The following LETM1 variants were observed in gnomAD, a reference collection of about 807,000 sequenced individuals.
The protein encoded by LETM1 is leucine zipper and EF-hand containing transmembrane protein 1.
Under a neutral mutation model 74.5 loss-of-function variants are expected in LETM1, and 50 were observed. The ratio of observed to expected loss-of-function variants is 0.67; its 90% CI spans 0.53 to 0.85. LETM1 has a LOEUF of 0.85. Among genes scored for constraint, LETM1 ranks in the 40% least tolerant of loss-of-function variants. LETM1 has a pLI of 0.00. For synonymous variants in LETM1, 446 were observed against 407.1 expected, an observed-to-expected ratio of 1.10 and a Z score of -1.15; for missense variants, 824 against 967.8, an observed-to-expected ratio of 0.85 and a Z score of 1.97.
intron 11 of LETM1, 125 bp from the exon 12 acceptor site, chr4:1,817,039 A>C (rs1220562693): frequency 1.4e-6 from 1 of 715,592 alleles, no homozygotes; most frequent in Non-Finnish European, 2.3e-6. Context: ...TGAGGTTAGG[A>C]GTTCGAGACC....
Position 1,836,666 on chromosome 4 carries a change from C to G in LETM1, c.595-94G>C. 3 of 1,367,396 alleles carry G rather than the reference C, an allele frequency of 2.2e-6. No homozygotes were observed. The highest frequency in any genetic ancestry group is 3.1e-6 in the Non-Finnish European group (3 of 981,490). 84.7% of individuals were successfully genotyped at this position (1,367,396 alleles called of 1,614,324 possible). On this transcript the variant is annotated intron_variant, in intron 3 of 13. Transcript: ENST00000302787. The surrounding 1 kb of genome is among the most constrained non-coding windows in gnomAD (Gnocchi z 5.8). ...TTTCTCCTATAATGGTTTATAGGCA[C>G]AACCTCAGGCAGCGACTCACAGGAC...
At chr4:1,841,941 G>A (rs893932467) in intron 2 of LETM1, 144 bp from the exon 3 acceptor site, 5 of 681,260 alleles carry the variant, frequency 7.3e-6, no homozygotes, top group Admixed American at 2.3e-5. Flanking sequence ...ACTTCCTGAC[G>A]TTTTGCACTG....
chr4:1,828,051 C>CG (rs1166350968), intron 6 of LETM1, among the ~76,000 whole-genome samples: 8 of 130,194 alleles, frequency 6.1e-5, no homozygotes, highest in Admixed American at 7.2e-5. Context: ...GGGGGCTGAC[C>CG]CCCCCCACCT....
chr4:1,815,381 G>A (rs1279867463), intron 13 of LETM1, among the ~76,000 whole-genome samples: 5 of 152,172 alleles, frequency 3.3e-5, no homozygotes, highest in African/African-American at 4.8e-5. Flanking sequence ...GCACCCCCCC[G>A]GCTCCCCAGT....
chr4:1,828,407 C>T (rs1430858610), intron 6 of LETM1, among the ~76,000 whole-genome samples: 6 of 100,742 alleles, frequency 6.0e-5, no homozygotes, highest in South Asian at 3.6e-4. Flanking sequence ...CCGGACGGGG[C>T]GGCTGGCCGG....
chr4:1,816,610 AGGC>A, intron 12 of LETM1, 114 bp downstream of exon 12: 2 of 955,326 alleles, frequency 2.1e-6, no homozygotes, highest in Non-Finnish European at 3.1e-6. Context: ...AGAGGCAGCC[AGGC>A]AGAGGCTACA....
Position 1,823,653 on chromosome 4 carries a change from T to G in LETM1, c.1323A>C (p.Pro441=). The G allele has an allele frequency of 6.2e-7, 1 of 1,613,792 alleles. No individual in the cohort carries two copies. Among genetic ancestry groups the G allele is most frequent in the South Asian group, 1.1e-5 (1 of 91,070 alleles). The change falls in exon 8 of 14, where the codon CCA becomes CCC. Residue 441 remains proline (P), a synonymous_variant. Transcript: ENST00000302787. ...DQLKSTLQTL[P]EIVAKEAQVK... is the part of the protein sequence containing the mutation. Reference sequence around the variant, plus strand: ...CTCCGACAGCACGTACCACAATCTCTGGGAGGGTCTGCAGTGTGGACTTGA... The same window carrying G: ...CTCCGACAGCACGTACCACAATCTCGGGGAGGGTCTGCAGTGTGGACTTGA...
intron 12 of LETM1, 74 bp downstream of exon 12, chr4:1,816,653 C>A (rs1008300757): frequency 6.8e-7 from 1 of 1,464,586 alleles, no homozygotes; most frequent in Non-Finnish European, 9.3e-7. Context: ...AAGGGCCCAG[C>A]TCGGATCCAG....
intron 1 of LETM1, among the ~76,000 whole-genome samples, 170 bp downstream of exon 1, chr4:1,855,699 C>A (rs923715461): frequency 2.0e-4 from 30 of 152,264 alleles, no homozygotes; most frequent in African/African-American, 7.0e-4. Context: ...CCGGCGCTGG[C>A]GGCCCAGCCC....
rs754403408 is a variant in LETM1 at position 1,841,608 on chromosome 4, C to A, written c.333G>T (p.Ser111=). The A allele has an allele frequency of 6.2e-7, 1 of 1,614,044 alleles. No individual in the cohort carries two copies. Among genetic ancestry groups the A allele is most frequent in the South Asian group, 1.1e-5 (1 of 91,086 alleles). The part of the protein sequence containing the change: ...QCLPVRGWHS[S]RPVRDDSVVE... ...CTACCGAGTCATCGCGAACAGGGCG[C>A]GAAGAGTGCCAGCCACGCACAGGAA... The change falls in exon 3 of 14, where the codon TCG becomes TCT. Residue 111 remains serine, a synonymous_variant. Coordinates refer to ENST00000302787, the MANE Select transcript of LETM1 (RefSeq NM_012318.3).
intron 11 of LETM1, among the ~76,000 whole-genome samples, chr4:1,817,494 G>A (rs1042571670): frequency 1.3e-5 from 2 of 152,118 alleles, no homozygotes; most frequent in African/African-American, 4.8e-5. Flanking sequence ...CCAGGAGGTG[G>A]AGGCTGCAGT....
chr4:1,853,710 C>T (rs538964370), intron 1 of LETM1, among the ~76,000 whole-genome samples: 19 of 152,302 alleles, frequency 1.2e-4, no homozygotes, highest in African/African-American at 3.8e-4. Context: ...CTTTAGTGAA[C>T]AGTAACAGAT....
Position 1,813,282 on chromosome 4 carries a change from G to C in LETM1, c.*1142C>G, listed in dbSNP as rs1171304878. ...GCCGTTCCTGTCTTCCAAATCCTAT[G>C]CTTGGAGGCCCCTGGAGGTACATTT... On this transcript the variant is annotated 3_prime_UTR_variant, in exon 14 of 14. Coordinates refer to ENST00000302787, the MANE Select transcript of LETM1 (RefSeq NM_012318.3). 6.6e-6 allele frequency: 1 copy of C among 152,350 alleles called. No homozygotes were observed. The highest frequency in any genetic ancestry group is 1.5e-5 in the Non-Finnish European group (1 of 68,054). The allele number at this position is 152,350 out of a possible 1,614,324, so 9.4% of individuals were successfully genotyped here.
At chr4:1,821,393 A>C (rs1382254852) in intron 10 of LETM1, among the ~76,000 whole-genome samples, 2 of 151,108 alleles carry the variant, frequency 1.3e-5, no homozygotes, top group African/African-American at 4.9e-5. Context: ...CGCCTGGCCA[A>C]ATTTTTTTTT....
chr4:1,853,928 A>C (rs529019746), intron 1 of LETM1, among the ~76,000 whole-genome samples: 77 of 152,216 alleles, frequency 5.1e-4, no homozygotes, highest in Admixed American at 2.0e-3. Flanking sequence ...GTAACTACAG[A>C]AGACATTTGT....
In LETM1 at chr4:1,815,742, G is replaced by T; in HGVS notation, c.1992C>A (p.Pro664=). The stretch of plus-strand genomic sequence containing the variant: ...CGGCCAGGCTGGTGAGCTTGCTTTC[G>T]GGAATGTGCTTGACTTGCTTCATGG... The part of the protein sequence containing the change: ...INAMKQVKHI[P]ESKLTSLAAA... The change falls in exon 13 of 14, where the codon CCC becomes CCA. Residue 664 remains proline (P), a synonymous_variant. Transcript: ENST00000302787. 1 of 1,614,200 alleles carries T rather than the reference G, an allele frequency of 6.2e-7. No individual in the cohort carries two copies. Among genetic ancestry groups the T allele is most frequent in the South Asian group, 1.1e-5 (1 of 91,080 alleles).
Position 1,816,996 on chromosome 4 carries a change from A to C in LETM1, c.1744-82T>G. ...TGTAGTGGCTCACGCCTGTAATCCC[A>C]GTACTTTGCAAGGCCAAGGCGGGCG... On this transcript the variant is annotated intron_variant, in intron 11 of 13. Transcript: ENST00000302787. The C allele has an allele frequency of 2.5e-6, 3 of 1,216,904 alleles. 1 individual carries two copies. Among genetic ancestry groups the C allele is most frequent in the Non-Finnish European group, 3.5e-6 (3 of 850,284 alleles). The allele number at this position is 1,216,904 out of a possible 1,614,324, so 75.4% of individuals were successfully genotyped here. A position where few individuals can be genotyped will look rare whatever the true frequency, so the allele number is the denominator to read the frequency against.
chr4:1,822,242 G>A lies in LETM1; in HGVS notation c.1547C>T (p.Pro516Leu). 1 of 1,548,404 alleles carries A rather than the reference G, an allele frequency of 6.5e-7. No homozygotes were observed. The highest frequency in any genetic ancestry group is 1.2e-5 in the South Asian group (1 of 83,128). Residue 516 changes from proline (P) to leucine (L), a missense_variant, in exon 10 of 14, where the codon CCT becomes CTT. Transcript: ENST00000302787. ...RPGTEPQPEM[P>L]DTVLQSETLK... ...GGTCTCTGACTGCAGGACTGTGTCAGGCATTTCTGGCTGTGGCTCGGTCCC... is the reference window on the plus strand; with the variant it reads ...GGTCTCTGACTGCAGGACTGTGTCAAGCATTTCTGGCTGTGGCTCGGTCCC...
At chr4:1,823,825 G>A (rs368295060) in intron 7 of LETM1, 50 bp from the exon 8 acceptor site, 95 of 1,561,906 alleles carry the variant, frequency 6.1e-5, no homozygotes, top group Non-Finnish European at 7.9e-5. Flanking sequence ...AACCCTGCTG[G>A]CCCCACAGCA....
Sources: allele counts gnomAD v4.1 joint callset (sites outside exome capture counted in the v4.1 genomes callset), GRCh38; gene constraint gnomAD v4.1.1; non-coding constraint Gnocchi (gnomAD v3.1); transcripts MANE v1.5; gene names NCBI Gene and HGNC (gene_info 2026-07-23, HGNC 2026-07-21).